Variants in DDX60L observed in about 807,000 individuals in gnomAD.
DDX60L encodes the protein probable ATP-dependent RNA helicase DDX60-like.
In DDX60L, 191 loss-of-function variants were observed where a neutral mutation model predicts 211.6. The observed-to-expected ratio is 0.90, with a 90% CI of 0.80 to 1.02. The LOEUF (loss-of-function observed/expected upper bound fraction) is 1.02, where lower values mean the gene tolerates loss of function less well. Among genes scored for constraint, DDX60L ranks in the 50% least tolerant of loss-of-function variants. DDX60L has a pLI of 0.00. For synonymous variants in DDX60L, 706 were observed against 694.1 expected, an observed-to-expected ratio of 1.02 and a Z score of -0.27; for missense variants, 2,007 against 1,984.1, an observed-to-expected ratio of 1.01 and a Z score of -0.22.
At chr4:168,395,272 T>TAATAAAATAATA (rs1745571220) in intron 27 of DDX60L, among the ~76,000 whole-genome samples, 1 of 152,166 alleles carries the variant, frequency 6.6e-6, no homozygotes, top group Admixed American at 6.5e-5. Flanking sequence ...ATAATGTAGC[T>TAATAAAATAATA]CTATTGTTGT....
At chr4:168,436,865 GCT>G (rs1753105416) in intron 10 of DDX60L, among the ~76,000 whole-genome samples, 1 of 151,884 alleles carries the variant, frequency 6.6e-6, no homozygotes, top group African/African-American at 2.4e-5. Context: ...GCCATTTTGA[GCT>G]CCTTGTACCT....
chr4:168,457,795 C>T (rs1316255260), intron 6 of DDX60L, 97 bp downstream of exon 6: 2 of 624,514 alleles, frequency 3.2e-6, no homozygotes, highest in African/African-American at 3.7e-5. Context: ...GTATATGGCA[C>T]CCTTTAGTCT....
intron 17 of DDX60L, among the ~76,000 whole-genome samples, chr4:168,421,466 C>G (rs959135926): frequency 6.6e-6 from 1 of 152,154 alleles, no homozygotes; most frequent in Non-Finnish European, 1.5e-5. Context: ...ACCAGCCTAG[C>G]CAACATGGTG....
At chr4:168,455,786 G>A (rs1756485445) in intron 7 of DDX60L, among the ~76,000 whole-genome samples, 2 of 152,084 alleles carry the variant, frequency 1.3e-5, no homozygotes, top group Admixed American at 1.3e-4. Context: ...GCTGTACATT[G>A]TATTTTAAGA....
At chr4:168,377,564 T>G (rs374780210) in intron 33 of DDX60L, among the ~76,000 whole-genome samples, 1 of 152,152 alleles carries the variant, frequency 6.6e-6, no homozygotes, top group East Asian at 1.9e-4. Flanking sequence ...AATATGAAGT[T>G]TCCTTTTTAA....
At chr4:168,462,935 C>A (rs1004171242) in intron 4 of DDX60L, among the ~76,000 whole-genome samples, 4 of 152,030 alleles carry the variant, frequency 2.6e-5, no homozygotes, top group African/African-American at 9.7e-5. Context: ...TCACGCCAGT[C>A]AGATGGCTAT....
At position 168,358,045 on chromosome 4, in the gene DDX60L, C is replaced by T; in HGVS notation, c.*102G>A. 1 of 1,092,302 alleles carries T rather than the reference C, an allele frequency of 9.2e-7. No individual in the cohort carries two copies. Among genetic ancestry groups the T allele is most frequent in the Middle Eastern group, 2.4e-4 (1 of 4,212 alleles). 67.7% of individuals were successfully genotyped at this position (1,092,302 alleles called of 1,614,324 possible). On this transcript the variant is annotated 3_prime_UTR_variant, in exon 38 of 38. Transcript: ENST00000682922. ...TATCTGAGTTTAATTCTGTTTGACT[C>T]CAAGACAAACATTTTTTCCATTTCA...
chr4:168,396,112 G>C lies in DDX60L; in HGVS notation c.3504C>G (p.Asn1168Lys), dbSNP rs1560983165. The part of the protein sequence containing the change: ...RKTQKRITKK[N>K]PKKAEKLERK... The stretch of plus-strand genomic sequence containing the variant: ...TTTCCAGTTTTTCAGCCTTCTTTGG[G>C]TTTTTTTTAGTGCTACTATTTAAAA... The change falls in exon 27 of 38, where the codon AAC (asparagine) becomes AAG (lysine). Residue 1168 changes from asparagine to lysine, a missense_variant. Transcript: ENST00000682922. The C allele has an allele frequency of 1.4e-6, 2 of 1,399,528 alleles. No individual in the cohort carries two copies. Among genetic ancestry groups the C allele is most frequent in the African/African-American group, 3.1e-5 (2 of 64,092 alleles). The allele number at this position is 1,399,528 out of a possible 1,614,324, so 86.7% of individuals were successfully genotyped here. A position where few individuals can be genotyped will look rare whatever the true frequency, so the allele number is the denominator to read the frequency against.
At chr4:168,362,006 C>T (rs1468259497) in intron 36 of DDX60L, among the ~76,000 whole-genome samples, 2 of 152,242 alleles carry the variant, frequency 1.3e-5, no homozygotes, top group African/African-American at 4.8e-5. Context: ...GGCAGCCCAC[C>T]ACCCACTGGG....
intron 29 of DDX60L, among the ~76,000 whole-genome samples, chr4:168,387,139 C>A (rs1266308730): frequency 4.6e-5 from 7 of 152,092 alleles, no homozygotes; most frequent in Non-Finnish European, 7.4e-5. Flanking sequence ...CTGAGGTGCT[C>A]AAAGGTAAAA....
At chr4:168,476,557 G>C (rs1759517451) in intron 1 of DDX60L, among the ~76,000 whole-genome samples, 1 of 152,094 alleles carries the variant, frequency 6.6e-6, no homozygotes, top group Non-Finnish European at 1.5e-5. Context: ...GATGAAGAAA[G>C]AGAGAGAGAA....
chr4:168,453,173 C>G lies in DDX60L; in HGVS notation c.947G>C (p.Arg316Pro), dbSNP rs577892658. The change falls in exon 8 of 38, where the codon CGA (arginine) becomes CCA (proline). Residue 316 changes from arginine (R) to proline (P), a missense_variant. Transcript: ENST00000682922. ...HLPLSQRACS[R>P]VITCSWIRNS... is the part of the protein sequence containing the mutation. ...CCTAATCCAAGAGCATGTGATGACT[C>G]GAGAACAAGCTCTCTGAGAAAGGGG... 25 of 1,613,128 alleles carry G rather than the reference C, an allele frequency of 1.5e-5. No homozygotes were observed. Among genetic ancestry groups the G allele is most frequent in the Admixed American group, 1.2e-4 (7 of 59,856 alleles).
Position 168,427,032 on chromosome 4 carries a change from A to C in DDX60L, c.1930+38T>G, listed in dbSNP as rs763924856. 9.1e-6 allele frequency: 14 copies of C among 1,543,152 alleles called. No homozygotes were observed. In the African/African-American group the frequency reaches 1.2e-4, roughly 14 times the overall value. On this transcript the variant is annotated intron_variant, in intron 14 of 37. Coordinates refer to ENST00000682922, the MANE Select transcript of DDX60L (RefSeq NM_001012967.3). ...ATATGTTAACATCATTAATATTTTC[A>C]TCACTACTCTTTATCCATAGAGTAT...
intron 25 of DDX60L, 34 bp from the exon 26 acceptor site, chr4:168,401,012 CTA>C (rs78252588): frequency 0.12 from 183,676 of 1,590,248 alleles, 12,085 homozygotes; most frequent in Admixed American, 0.17. Flanking sequence ...TTTGAAAAGA[CTA>C]TGTTTCTATC....
chr4:168,459,818 G>GGAAGGAAGGAAGGAAGGAAGGAT, intron 5 of DDX60L, among the ~76,000 whole-genome samples: 1 of 12,708 alleles, frequency 7.9e-5, no homozygotes, highest in East Asian at 4.2e-3. Flanking sequence ...GAAGGAAGGA[G>GGAAGGAAGGAAGGAAGGAAGGAT]GGAAGGGAGG....
Position 168,373,657 on chromosome 4 carries a change from T to C in DDX60L, c.4776+9A>G, listed in dbSNP as rs202129461. ...CACATTTTGTACATAAGATGTATCC[T>C]TCACTTACCTGGTTGATAGTCTCTG... On this transcript the variant is annotated intron_variant, in intron 35 of 37. Coordinates refer to ENST00000682922, the MANE Select transcript of DDX60L (RefSeq NM_001012967.3). The C allele has an allele frequency of 8.4e-4, 1,347 of 1,612,198 alleles. 1 individual carries two copies. Among genetic ancestry groups the C allele is most frequent in the Non-Finnish European group, 1.0e-3 (1,200 of 1,178,844 alleles).
intron 10 of DDX60L, 43 bp downstream of exon 10, chr4:168,441,294 G>T (rs770535241): frequency 6.6e-7 from 1 of 1,525,428 alleles, no homozygotes; most frequent in Non-Finnish European, 8.8e-7. Flanking sequence ...AGTTGTTCAG[G>T]ACAAACATGC....
intron 17 of DDX60L, 38 bp from the exon 18 acceptor site, chr4:168,420,418 G>C: frequency 6.4e-7 from 1 of 1,573,000 alleles, no homozygotes; most frequent in Non-Finnish European, 8.6e-7. Context: ...TCACTTAGTA[G>C]AGAAGAGACA....
At chr4:168,444,010 C>T (rs2150013169) in intron 9 of DDX60L, among the ~76,000 whole-genome samples, 1 of 86,706 alleles carries the variant, frequency 1.2e-5, no homozygotes, top group South Asian at 4.5e-4. Context: ...ATGACAGGAT[C>T]AAATTCACAC....
Sources: gnomAD v4.1 joint callset for allele counts (sites outside exome capture counted in the v4.1 genomes callset) on GRCh38, gnomAD v4.1.1 for gene constraint, MANE v1.5 for transcripts, NCBI Gene and HGNC (gene_info 2026-07-23, HGNC 2026-07-21) for gene names.